Variants in GPC6 observed in about 807,000 individuals in gnomAD.
The protein encoded by GPC6 is glypican 6, also known as glypican-6.
In GPC6, 14 loss-of-function variants were observed where a neutral mutation model predicts 55.2. The observed-to-expected ratio is 0.25, with a 90% confidence interval of 0.17 to 0.40. The LOEUF (loss-of-function observed/expected upper bound fraction) is 0.40, where lower values mean the gene tolerates loss of function less well. Among genes scored for constraint, GPC6 ranks in the 10% least tolerant of loss-of-function variants. GPC6 has a pLI of 1.00. For missense variants in GPC6, 641 were observed against 708.5 expected (o/e 0.90, Z 1.08); for synonymous variants, 278 against 259.6 (o/e 1.07, Z -0.68).
At chr13:93,371,727 G>A (rs1419194407) in intron 1 of GPC6, among the ~76,000 whole-genome samples, 1 of 152,104 alleles carries the variant, frequency 6.6e-6, no homozygotes, top group African/African-American at 2.4e-5. Flanking sequence ...TAAAGCACTA[G>A]TGTGGATAGG....
intron 2 of GPC6, among the ~76,000 whole-genome samples, chr13:93,789,509 C>CTCTCTATATATATA (rs1363454667): frequency 4.3e-5 from 4 of 93,482 alleles, no homozygotes; most frequent in African/African-American, 1.3e-4. Context: ...CTCTCTCTCT[C>CTCTCTATATATATA]TATATATATA....
At chr13:93,968,458 A>G (rs990396817) in intron 3 of GPC6, among the ~76,000 whole-genome samples, 2 of 152,096 alleles carry the variant, frequency 1.3e-5, no homozygotes, top group South Asian at 2.1e-4. Flanking sequence ...GTTCACTTGT[A>G]TTATACTCAT....
At chr13:93,745,953 T>C (rs886111514) in intron 2 of GPC6, among the ~76,000 whole-genome samples, 2 of 152,182 alleles carry the variant, frequency 1.3e-5, no homozygotes, top group African/African-American at 4.8e-5. Flanking sequence ...AAGAAACAAA[T>C]CAGTGATAAT....
At chr13:94,280,122 CT>C (rs1892332422) in intron 4 of GPC6, among the ~76,000 whole-genome samples, 1 of 152,116 alleles carries the variant, frequency 6.6e-6, no homozygotes. Context: ...AATCTGGGTG[CT>C]CTTTGATTAG....
intron 1 of GPC6, among the ~76,000 whole-genome samples, chr13:93,363,852 T>C (rs187898191): frequency 0.017 from 2,594 of 152,138 alleles, 112 homozygotes; most frequent in Admixed American, 0.098. Context: ...TGGTATCTCA[T>C]TGTGGTTTTG....
intron 1 of GPC6, among the ~76,000 whole-genome samples, chr13:93,469,673 A>G (rs1406259323): frequency 6.6e-6 from 1 of 152,202 alleles, no homozygotes; most frequent in African/African-American, 2.4e-5. Context: ...TCATAACTCC[A>G]GATGACAAAG....
chr13:93,624,652 A>G (rs944945110), intron 2 of GPC6, among the ~76,000 whole-genome samples: 1 of 152,236 alleles, frequency 6.6e-6, no homozygotes, highest in Non-Finnish European at 1.5e-5. Context: ...CATGTAAAAA[A>G]TAAATTATGG....
At chr13:93,486,836 T>G (rs918720967) in intron 1 of GPC6, among the ~76,000 whole-genome samples, 6 of 151,838 alleles carry the variant, frequency 4.0e-5, no homozygotes, top group African/African-American at 1.5e-4. Flanking sequence ...TCCCAGCTAT[T>G]TGGGAGCCTG....
chr13:93,346,218 C>T (rs1020275277), intron 1 of GPC6, among the ~76,000 whole-genome samples: 2 of 152,114 alleles, frequency 1.3e-5, no homozygotes, highest in African/African-American at 2.4e-5. Flanking sequence ...CCAAATTTGA[C>T]ATCTATGATG....
chr13:93,987,002 G>A (rs1373489976), intron 3 of GPC6, among the ~76,000 whole-genome samples: 1 of 152,050 alleles, frequency 6.6e-6, no homozygotes, highest in Non-Finnish European at 1.5e-5. Flanking sequence ...TGGAGAAACT[G>A]GGTATCATTG....
intron 2 of GPC6, among the ~76,000 whole-genome samples, chr13:93,583,690 A>T (rs1877055832): frequency 6.6e-6 from 1 of 152,230 alleles, no homozygotes; most frequent in African/African-American, 2.4e-5. Flanking sequence ...TGCTGGGATT[A>T]CATGCGTGAA....
chr13:94,383,532 A>G (rs897966586), intron 7 of GPC6, among the ~76,000 whole-genome samples: 1 of 152,170 alleles, frequency 6.6e-6, no homozygotes, highest in Non-Finnish European at 1.5e-5. Context: ...AGAGTTTGAA[A>G]CCAGCCTGAG....
At chr13:93,260,665 A>AG (rs1877113832) in intron 1 of GPC6, among the ~76,000 whole-genome samples, 1 of 152,112 alleles carries the variant, frequency 6.6e-6, no homozygotes, top group African/African-American at 2.4e-5. Flanking sequence ...GGAAAATCAA[A>AG]GGCAAGATTT....
intron 1 of GPC6, among the ~76,000 whole-genome samples, chr13:93,256,720 A>G (rs1360580335): frequency 1.3e-5 from 2 of 152,202 alleles, no homozygotes; most frequent in African/African-American, 4.8e-5. Flanking sequence ...GGCATGTGCT[A>G]TCATCCAGTC....
At chr13:94,052,762 T>A (rs1883996930) in intron 4 of GPC6, among the ~76,000 whole-genome samples, 1 of 152,164 alleles carries the variant, frequency 6.6e-6, no homozygotes, top group African/African-American at 2.4e-5. Context: ...AGGCAATTAA[T>A]TATGTGTCCC....
At chr13:94,197,310 G>A (rs913595938) in intron 4 of GPC6, among the ~76,000 whole-genome samples, 1 of 152,120 alleles carries the variant, frequency 6.6e-6, no homozygotes, top group Non-Finnish European at 1.5e-5. Context: ...TCCCTGCCAA[G>A]CATCATCAAG....
intron 3 of GPC6, among the ~76,000 whole-genome samples, chr13:93,891,669 C>T (rs958563272): frequency 6.6e-6 from 1 of 151,972 alleles, no homozygotes; most frequent in African/African-American, 2.4e-5. Flanking sequence ...CACACACATT[C>T]TATACACACT....
intron 4 of GPC6, among the ~76,000 whole-genome samples, chr13:94,192,200 A>C (rs181580909): frequency 6.6e-6 from 1 of 152,212 alleles, no homozygotes; most frequent in East Asian, 1.9e-4. Context: ...GGAAGAAAAA[A>C]AAATGTGTTA....
At chr13:93,571,116 C>T (rs893567602) in intron 2 of GPC6, among the ~76,000 whole-genome samples, 2 of 151,990 alleles carry the variant, frequency 1.3e-5, no homozygotes, top group Non-Finnish European at 2.9e-5. Context: ...CTAATATCAG[C>T]GTTGCAGAAA....
Sources: gnomAD v4.1 joint callset for allele counts (sites outside exome capture counted in the v4.1 genomes callset) on GRCh38, gnomAD v4.1.1 for gene constraint, MANE v1.5 for transcripts, NCBI Gene and HGNC (gene_info 2026-07-23, HGNC 2026-07-21) for gene names.